The following LDLRAD3 variants were observed in gnomAD, a reference collection of about 807,000 sequenced individuals.
LDLRAD3 encodes low-density lipoprotein receptor class A domain-containing protein 3.
Under a neutral mutation model 29.4 loss-of-function variants are expected in LDLRAD3, and 20 were observed. The ratio of observed to expected loss-of-function variants is 0.68; its 90% confidence interval spans 0.48 to 0.99. LDLRAD3 has a LOEUF of 0.99. Ranked by LOEUF, LDLRAD3 falls within the 50% of genes least tolerant of loss-of-function variation. LDLRAD3 has a pLI of 0.00. For missense variants in LDLRAD3, 420 were observed against 454.3 expected (o/e 0.92, Z 0.69); for synonymous variants, 157 against 192.7 (o/e 0.81, Z 1.53).
Position 36,197,882 on chromosome 11 carries a change from T to TAAA in LDLRAD3, c.455-29190_455-29188dup, listed in dbSNP as rs59189246. The TAAA allele has an allele frequency of 3.7e-4, 52 of 140,046 alleles. 1 individual carries two copies. Among genetic ancestry groups the TAAA allele is most frequent in the East Asian group, 1.0e-3 (5 of 4,824 alleles). The allele number at this position is 140,046 out of a possible 1,614,324, so 8.7% of individuals were successfully genotyped here. ...GGCAACAGAGCAAGTCCCCATGTCT[T>TAAA]AAAAAAAAAAAAAAAGAAATTAACT... On this transcript the variant is annotated intron_variant, in intron 4 of 5. Coordinates refer to ENST00000315571, the MANE Select transcript of LDLRAD3 (RefSeq NM_174902.4).
chr11:36,125,022 T>C (rs2133299827), intron 4 of LDLRAD3, among the ~76,000 whole-genome samples: 1 of 152,298 alleles, frequency 6.6e-6, no homozygotes, highest in Admixed American at 6.5e-5. Context: ...TACCTCTGCC[T>C]AGAACTGTGT....
intron 1 of LDLRAD3, among the ~76,000 whole-genome samples, chr11:36,024,202 G>T (rs1288737780): frequency 6.6e-6 from 1 of 152,118 alleles, no homozygotes; most frequent in Non-Finnish European, 1.5e-5. Flanking sequence ...AGGGAAGGAA[G>T]GAGTAACATA....
At chr11:36,100,970 C>T (rs774749495) in intron 4 of LDLRAD3, among the ~76,000 whole-genome samples, 23 of 152,062 alleles carry the variant, frequency 1.5e-4, no homozygotes, top group Non-Finnish European at 2.6e-4. Flanking sequence ...TTTTTAAATT[C>T]TGCTTTTTCT....
chr11:36,067,318 A>G (rs954985729), intron 2 of LDLRAD3, among the ~76,000 whole-genome samples: 2 of 152,174 alleles, frequency 1.3e-5, no homozygotes, highest in African/African-American at 4.8e-5. Flanking sequence ...CTGTATAATA[A>G]TGCTGGATAA....
chr11:36,137,288 T>G (rs1433197169), intron 4 of LDLRAD3, among the ~76,000 whole-genome samples: 1 of 152,212 alleles, frequency 6.6e-6, no homozygotes, highest in African/African-American at 2.4e-5. Flanking sequence ...AGCCAGAACA[T>G]TTAATATCCT....
chr11:36,030,398 C>T (rs1348418613), intron 1 of LDLRAD3, among the ~76,000 whole-genome samples: 1 of 151,866 alleles, frequency 6.6e-6, no homozygotes, highest in Non-Finnish European at 1.5e-5. Flanking sequence ...CAGATCACTG[C>T]AGAGCCGCTC....
chr11:35,947,803 C>A (rs1851076660), intron 1 of LDLRAD3, among the ~76,000 whole-genome samples: 1 of 152,214 alleles, frequency 6.6e-6, no homozygotes. Context: ...AGGCTTCCTG[C>A]ACCATGCTTC....
At chr11:35,972,164 A>T (rs1325054898) in intron 1 of LDLRAD3, among the ~76,000 whole-genome samples, 1 of 152,126 alleles carries the variant, frequency 6.6e-6, no homozygotes, top group East Asian at 1.9e-4. Flanking sequence ...TGTTAAGCAC[A>T]AAACTCTGTG....
At chr11:36,100,087 T>G (rs1434940367) in intron 4 of LDLRAD3, among the ~76,000 whole-genome samples, 1 of 151,968 alleles carries the variant, frequency 6.6e-6, no homozygotes, top group East Asian at 1.9e-4. Flanking sequence ...AGAAATGCAG[T>G]TGTTCAGGCC....
intron 1 of LDLRAD3, chr11:35,997,218 C>A: frequency 7.0e-6 from 2 of 287,332 alleles, no homozygotes; most frequent in African/African-American, 2.3e-5. Flanking sequence ...TCTACCTGCA[C>A]CACTGTTGAT....
chr11:36,196,716 G>C (rs917538633), intron 4 of LDLRAD3: 1 of 152,198 alleles, frequency 6.6e-6, no homozygotes, highest in African/African-American at 2.4e-5. Flanking sequence ...AACAATGCAC[G>C]TGGGGCTCTT....
intron 1 of LDLRAD3, among the ~76,000 whole-genome samples, chr11:36,007,315 C>T (rs1851897476): frequency 6.6e-6 from 1 of 152,142 alleles, no homozygotes; most frequent in African/African-American, 2.4e-5. Context: ...TGTTTGTTGG[C>T]ACTGAATTGG....
chr11:36,160,697 G>T (rs16926221), intron 4 of LDLRAD3, among the ~76,000 whole-genome samples: 7,093 of 151,858 alleles, frequency 0.047, 331 homozygotes, highest in East Asian at 0.27. Flanking sequence ...GTTTTAAAAA[G>T]TATTTTCACA....
chr11:36,072,472 G>T (rs1852922737), intron 2 of LDLRAD3, among the ~76,000 whole-genome samples: 1 of 152,206 alleles, frequency 6.6e-6, no homozygotes, highest in East Asian at 1.9e-4. Context: ...ATGATGTCTG[G>T]GGAAGAGCCT....
At chr11:36,108,677 A>G (rs1346998893) in intron 4 of LDLRAD3, among the ~76,000 whole-genome samples, 1 of 152,088 alleles carries the variant, frequency 6.6e-6, no homozygotes, top group South Asian at 2.1e-4. Flanking sequence ...GGCAGAGAGA[A>G]TGGCAGGTAA....
At chr11:36,128,481 C>T (rs990087976) in intron 4 of LDLRAD3, among the ~76,000 whole-genome samples, 1 of 152,108 alleles carries the variant, frequency 6.6e-6, no homozygotes, top group South Asian at 2.1e-4. Context: ...GCCCGTGCAC[C>T]TGGGAAATTG....
In LDLRAD3 at chr11:36,223,451, A is replaced by C. The variant is rs567653778; in HGVS notation, c.455-3634A>C. Among the ~76,000 whole-genome samples the C allele has an allele frequency of 2.0e-5, 3 of 152,332 alleles. No individual in the cohort carries two copies. In the East Asian group the frequency reaches 5.8e-4, roughly 29 times the overall value. On this transcript the variant is annotated intron_variant, in intron 4 of 5. Transcript: ENST00000315571. The stretch of plus-strand genomic sequence containing the variant: ...CTTTAAGAAATACATTTCACTGGCC[A>C]GGAGTGGTGACTCACGCCTGTAATC...
chr11:35,998,724 G>C (rs962541548), intron 1 of LDLRAD3, among the ~76,000 whole-genome samples: 2 of 152,210 alleles, frequency 1.3e-5, no homozygotes, highest in East Asian at 3.9e-4. Flanking sequence ...TGGATTCGGA[G>C]TAGTAATAGT....
intron 2 of LDLRAD3, among the ~76,000 whole-genome samples, chr11:36,055,581 G>A (rs1315895335): frequency 2.6e-5 from 4 of 152,204 alleles, no homozygotes; most frequent in East Asian, 1.9e-4. Flanking sequence ...TGGCACTATC[G>A]GCCCAGAAGG....
Sources: gnomAD v4.1 joint callset for allele counts (sites outside exome capture counted in the v4.1 genomes callset) on GRCh38, gnomAD v4.1.1 for gene constraint, MANE v1.5 for transcripts, NCBI Gene and HGNC (gene_info 2026-07-23, HGNC 2026-07-21) for gene names.